PID1: variants seen among roughly 807,000 people sequenced by gnomAD.
The protein encoded by PID1 is phosphotyrosine interaction domain containing 1, also known as PTB-containing, cubilin and LRP1-interacting protein.
In PID1, 10 loss-of-function variants were observed where a neutral mutation model predicts 19.1. The observed-to-expected ratio is 0.52, with a 90% CI of 0.32 to 0.89. The LOEUF (loss-of-function observed/expected upper bound fraction) is 0.89, where lower values mean the gene tolerates loss of function less well. PID1 is among the 40% of genes least tolerant of loss of function. The pLI, the probability that PID1 is intolerant of heterozygous loss-of-function variation, is 0.03. For synonymous variants in PID1, 130 were observed against 116.0 expected (o/e 1.12, Z -0.78); for missense variants, 248 against 285.3 (o/e 0.87, Z 0.94).
intron 1 of PID1, among the ~76,000 whole-genome samples, chr2:229,225,847 A>G (rs1405817590): frequency 6.6e-6 from 1 of 152,148 alleles, no homozygotes; most frequent in Admixed American, 6.5e-5. Context: ...GAACTAACTC[A>G]CTATCATGAG....
intron 1 of PID1, among the ~76,000 whole-genome samples, chr2:229,193,356 G>A (rs1015308382): frequency 2.0e-5 from 3 of 152,160 alleles, no homozygotes; most frequent in African/African-American, 7.2e-5. Context: ...AGAGAGCTGG[G>A]TTCCGAAAGG....
intron 1 of PID1, among the ~76,000 whole-genome samples, chr2:229,181,766 C>T (rs959498796): frequency 2.0e-5 from 3 of 152,214 alleles, no homozygotes; most frequent in Non-Finnish European, 2.9e-5. Context: ...TCAGAGATGT[C>T]TCTCACTTAA....
chr2:229,159,203 G>A (rs753398246), intron 1 of PID1, among the ~76,000 whole-genome samples: 4 of 152,048 alleles, frequency 2.6e-5, no homozygotes, highest in Non-Finnish European at 4.4e-5. Flanking sequence ...CTCATATAAG[G>A]GCAGTAGAAG....
rs567596740 is a variant in PID1, at chr2:229,252,878, A to G, written c.30+18136T>C. On this transcript the variant is annotated intron_variant, in intron 1 of 2. Transcript: ENST00000392055. ...ACAAAGCATCAAGTTCCTAGAGAAAAGACAAGGAGGTGGGTGGGGAAGGGG... is the reference window on the plus strand; with the variant it reads ...ACAAAGCATCAAGTTCCTAGAGAAAGGACAAGGAGGTGGGTGGGGAAGGGG... Among the ~76,000 whole-genome samples, 4 of 152,268 alleles carry G rather than the reference A, an allele frequency of 2.6e-5. No homozygotes were observed. The South Asian group carries it at 8.3e-4, about 32-fold the overall frequency.
chr2:229,237,714 A>G (rs1689751370), intron 1 of PID1, among the ~76,000 whole-genome samples: 1 of 152,144 alleles, frequency 6.6e-6, no homozygotes, highest in African/African-American at 2.4e-5. Flanking sequence ...TTTCTTAAAT[A>G]TCTATACATT....
intron 2 of PID1, among the ~76,000 whole-genome samples, chr2:229,146,831 C>A (rs764413455): frequency 1.3e-5 from 2 of 152,096 alleles, no homozygotes; most frequent in Admixed American, 6.6e-5. Flanking sequence ...AATGTGACCA[C>A]CATGCAGAGA....
chr2:229,195,529 T>C (rs935599542), intron 1 of PID1, among the ~76,000 whole-genome samples: 2 of 151,940 alleles, frequency 1.3e-5, no homozygotes, highest in Non-Finnish European at 2.9e-5. Context: ...CTGTGCACGA[T>C]GTTCCCTACT....
At chr2:229,184,276 CAT>C (rs374721321) in intron 1 of PID1, among the ~76,000 whole-genome samples, 6 of 334 alleles carry the variant, frequency 0.018, 3 homozygotes, top group East Asian at 1. Flanking sequence ...GTATATATCC[CAT>C]ATATATATCC....
intron 1 of PID1, among the ~76,000 whole-genome samples, chr2:229,257,992 C>A (rs1451866607): frequency 6.6e-6 from 1 of 152,152 alleles, no homozygotes; most frequent in Non-Finnish European, 1.5e-5. Context: ...GGAAAAATAA[C>A]AAGAAGGCAG....
At chr2:229,125,381 T>C (rs1434568691) in intron 2 of PID1, among the ~76,000 whole-genome samples, 1 of 145,904 alleles carries the variant, frequency 6.9e-6, no homozygotes, top group African/African-American at 2.5e-5. Context: ...CAGCATAACA[T>C]TCCACCTAAC....
chr2:229,222,734 A>G (rs982393521), intron 1 of PID1, among the ~76,000 whole-genome samples: 2 of 152,194 alleles, frequency 1.3e-5, no homozygotes, highest in Admixed American at 1.3e-4. Flanking sequence ...AACCTTAGAC[A>G]TCAGTCTTCT....
intron 2 of PID1, 32 bp from the exon 3 acceptor site, chr2:229,026,140 C>G: frequency 6.7e-7 from 1 of 1,481,550 alleles, no homozygotes; most frequent in South Asian, 1.2e-5. Context: ...AAAAGGGAGG[C>G]ATCAGCAGAA....
chr2:229,195,224 T>G (rs1691349817), intron 1 of PID1, among the ~76,000 whole-genome samples: 1 of 151,854 alleles, frequency 6.6e-6, no homozygotes, highest in Non-Finnish European at 1.5e-5. Context: ...CTAGTTTCTA[T>G]ACCAGTCCCC....
intron 2 of PID1, among the ~76,000 whole-genome samples, chr2:229,053,030 T>C (rs77064089): frequency 0.034 from 5,239 of 152,290 alleles, 184 homozygotes; most frequent in African/African-American, 0.097. Context: ...TTTTAGTCAG[T>C]TGTAATTTAC....
At chr2:229,126,842 T>C (rs1695631860) in intron 2 of PID1, among the ~76,000 whole-genome samples, 1 of 152,212 alleles carries the variant, frequency 6.6e-6, no homozygotes, top group Non-Finnish European at 1.5e-5. Context: ...GCTAACTTCT[T>C]TCACACTTAC....
chr2:229,076,227 C>T (rs1351240366), intron 2 of PID1, among the ~76,000 whole-genome samples: 12 of 152,146 alleles, frequency 7.9e-5, no homozygotes, highest in African/African-American at 2.9e-4. Flanking sequence ...TTCCTCAACA[C>T]CCAATCTCTT....
At chr2:229,081,347 G>A (rs1323852084) in intron 2 of PID1, among the ~76,000 whole-genome samples, 1 of 152,170 alleles carries the variant, frequency 6.6e-6, no homozygotes, top group Non-Finnish European at 1.5e-5. Context: ...AATATCTAAA[G>A]ACATAATGAT....
chr2:229,185,000 A>G (rs960530851), intron 1 of PID1, among the ~76,000 whole-genome samples: 6 of 144,918 alleles, frequency 4.1e-5, no homozygotes, highest in Admixed American at 7.1e-5. Context: ...TATCCCATAT[A>G]TATACACTAT....
chr2:229,066,669 C>T (rs1447799507), intron 2 of PID1, among the ~76,000 whole-genome samples: 1 of 151,864 alleles, frequency 6.6e-6, no homozygotes, highest in Non-Finnish European at 1.5e-5. Context: ...CCCTCAGAGA[C>T]AGATATTTGA....
Sources: allele counts gnomAD v4.1 joint callset (sites outside exome capture counted in the v4.1 genomes callset), GRCh38; gene constraint gnomAD v4.1.1; transcripts MANE v1.5; gene names NCBI Gene and HGNC (gene_info 2026-07-23, HGNC 2026-07-21).